The following DCAF8L2 variants were observed in gnomAD, a reference collection of about 807,000 sequenced individuals.
The protein encoded by DCAF8L2 is DDB1 and CUL4 associated factor 8 like 2.
For synonymous variants in DCAF8L2, 200 were observed against 190.9 expected, an observed-to-expected ratio of 1.05 and a Z score of -0.39; for missense variants, 430 against 490.7, an observed-to-expected ratio of 0.88 and a Z score of 1.17.
At chrX:27,581,917 T>G in the DCAF8L2 span, among the ~76,000 whole-genome samples, 1 of 112,423 alleles carries the variant, frequency 8.9e-6, no homozygotes, top group Non-Finnish European at 1.9e-5. Context: ...AATATTTGAC[T>G]TAGATTTTCT....
At chrX:27,709,994 T>C (rs1162912629) in intron 3 of DCAF8L2, among the ~76,000 whole-genome samples, 1 of 111,698 alleles carries the variant, frequency 9.0e-6, no homozygotes, top group Admixed American at 9.6e-5. Context: ...CACATTTCTA[T>C]GAAATGTATT....
the DCAF8L2 span, among the ~76,000 whole-genome samples, chrX:27,501,826 T>C: frequency 9.1e-6 from 1 of 110,188 alleles, no homozygotes; most frequent in African/African-American, 3.3e-5. Flanking sequence ...GAGTACTGAG[T>C]CATAGTGGAG....
intron 3 of DCAF8L2, among the ~76,000 whole-genome samples, chrX:27,698,974 T>C (rs184571191): frequency 1.7e-4 from 19 of 111,923 alleles, no homozygotes; most frequent in African/African-American, 5.5e-4. Flanking sequence ...GTCCAAATAT[T>C]TGTTGAGGAG....
At chrX:27,471,348 C>T in the DCAF8L2 span, among the ~76,000 whole-genome samples, 37 of 111,409 alleles carry the variant, frequency 3.3e-4, 1 homozygote, top group South Asian at 0.012. Flanking sequence ...TAGCAATTCC[C>T]TTTTGTTTTC....
At chrX:27,527,041 C>A in the DCAF8L2 span, among the ~76,000 whole-genome samples, 2 of 112,001 alleles carry the variant, frequency 1.8e-5, no homozygotes, top group Non-Finnish European at 3.8e-5. Flanking sequence ...AACCACTACT[C>A]TCTTCAAAGC....
chrX:27,655,463 A>C (rs1929316756), intron 2 of DCAF8L2, among the ~76,000 whole-genome samples: 1 of 112,335 alleles, frequency 8.9e-6, no homozygotes, highest in Non-Finnish European at 1.9e-5. Flanking sequence ...ACCTCAGTGA[A>C]TCACCAAGAC....
chrX:27,493,926 G>A, the DCAF8L2 span, among the ~76,000 whole-genome samples: 57,576 of 108,916 alleles, frequency 0.53, 12,778 homozygotes, highest in South Asian at 0.78. Context: ...ACTGTAAGAT[G>A]TCTCATAATT....
chrX:27,484,821 C>T, the DCAF8L2 span, among the ~76,000 whole-genome samples: 1 of 111,084 alleles, frequency 9.0e-6, no homozygotes, highest in East Asian at 2.8e-4. Context: ...GAAACTCATA[C>T]AAGGCGGCAG....
the DCAF8L2 span, among the ~76,000 whole-genome samples, chrX:27,469,064 A>C: frequency 1.8e-5 from 2 of 111,982 alleles, no homozygotes; most frequent in African/African-American, 6.5e-5. Flanking sequence ...GTACATTCTC[A>C]GTACTAGCTG....
At chrX:27,546,030 T>C in the DCAF8L2 span, among the ~76,000 whole-genome samples, 1 of 111,839 alleles carries the variant, frequency 8.9e-6, no homozygotes, top group Non-Finnish European at 1.9e-5. Context: ...GTTCAAAGTC[T>C]TATCTGAGAG....
At chrX:27,625,659 C>T (rs1407087289) in intron 1 of DCAF8L2, among the ~76,000 whole-genome samples, 2 of 111,867 alleles carry the variant, frequency 1.8e-5, no homozygotes, top group Middle Eastern at 4.2e-3. Context: ...TACGTATACA[C>T]CGTGGAATAC....
intron 1 of DCAF8L2, chrX:27,627,537 T>TGTGTGTGTGTGTGTGTGTG (rs1569164726): frequency 1.1e-5 from 1 of 90,909 alleles, no homozygotes; most frequent in Non-Finnish European, 2.1e-5. Flanking sequence ...GTTGTTTTTG[T>TGTGTGTGTGTGTGTGTGTG]TGTGTGTGTG....
the DCAF8L2 span, among the ~76,000 whole-genome samples, chrX:27,580,858 A>G: frequency 5.4e-5 from 6 of 112,136 alleles, no homozygotes; most frequent in Non-Finnish European, 1.1e-4. Context: ...GTGCTATCCA[A>G]TATAAATATA....
intron 4 of DCAF8L2, among the ~76,000 whole-genome samples, chrX:27,729,096 C>A (rs1376101088): frequency 2.7e-5 from 3 of 111,175 alleles, no homozygotes; most frequent in African/African-American, 9.8e-5. Context: ...AAACTTAAAA[C>A]ATAAGGTTAA....
In DCAF8L2 at chrX:27,704,414, C is replaced by A. The variant is rs59835107; in HGVS notation, c.-142-11674C>A. ...ATTATTCTAAATAAAATATGCCATA[C>A]ACAGAAAGAAACATAGTGTATTATC... On this transcript the variant is annotated intron_variant, in intron 3 of 4. Transcript: ENST00000451261. 6.3e-3 allele frequency among the ~76,000 whole-genome samples: 688 copies of A among 108,421 alleles called. 6 individuals are homozygous for A. Among genetic ancestry groups the A allele is most frequent in the African/African-American group, 0.022 (658 of 29,492 alleles). 94.2% of individuals were successfully genotyped at this position (108,421 alleles called of 115,157 possible).
At chrX:27,547,978 C>G in the DCAF8L2 span, among the ~76,000 whole-genome samples, 1 of 105,980 alleles carries the variant, frequency 9.4e-6, no homozygotes, top group Non-Finnish European at 1.9e-5. Flanking sequence ...CTTCCTGAGG[C>G]CTCCCCAGGC....
At chrX:27,627,719 C>A (rs757202436) in intron 1 of DCAF8L2, among the ~76,000 whole-genome samples, 1 of 107,782 alleles carries the variant, frequency 9.3e-6, no homozygotes, top group Non-Finnish European at 1.9e-5. Context: ...CATGGTGAAA[C>A]CCTGTCTCTA....
chrX:27,731,242 T>TAA, intron 4 of DCAF8L2, among the ~76,000 whole-genome samples: 1 of 103,358 alleles, frequency 9.7e-6, no homozygotes, highest in East Asian at 3.0e-4. Flanking sequence ...TGTCTCTACT[T>TAA]AAAAAAAAAA....
intron 1 of DCAF8L2, among the ~76,000 whole-genome samples, chrX:27,630,242 A>G (rs1172706997): frequency 1.8e-5 from 2 of 111,807 alleles, no homozygotes; most frequent in Admixed American, 1.9e-4. Flanking sequence ...ACATCTGAAA[A>G]GAGAAATAAT....
Sources: allele counts gnomAD v4.1 joint callset (sites outside exome capture counted in the v4.1 genomes callset), GRCh38; gene constraint gnomAD v4.1.1; transcripts MANE v1.5; gene names NCBI Gene and HGNC (gene_info 2026-07-23, HGNC 2026-07-21).